MCTP1: variants seen among roughly 807,000 people sequenced by gnomAD.
MCTP1 encodes the protein multiple C2 and transmembrane domain containing 1.
A neutral mutation model predicts 120.6 loss-of-function variants in MCTP1; 69 were observed. The observed-to-expected ratio is 0.57, with a 90% CI of 0.47 to 0.70. The LOEUF (loss-of-function observed/expected upper bound fraction) is 0.70, where lower values mean the gene tolerates loss of function less well. MCTP1 is among the 30% of genes least tolerant of loss of function. The pLI is 0.00. For missense variants in MCTP1, 1,203 were observed against 1,248.8 expected (o/e 0.96, Z 0.55); for synonymous variants, 529 against 493.1 (o/e 1.07, Z -0.96).
At chr5:95,093,514 A>G (rs1182406076) in intron 1 of MCTP1, among the ~76,000 whole-genome samples, 1 of 152,076 alleles carries the variant, frequency 6.6e-6, no homozygotes, top group African/African-American at 2.4e-5. Context: ...TACCCAAATT[A>G]CTGCATTTGA....
intron 19 of MCTP1, among the ~76,000 whole-genome samples, chr5:94,759,975 T>C (rs1770943374): frequency 6.8e-6 from 1 of 148,090 alleles, no homozygotes; most frequent in Admixed American, 6.7e-5. Context: ...GTTGAGGGTT[T>C]TTTTTTTTTT....
intron 1 of MCTP1, among the ~76,000 whole-genome samples, chr5:95,053,988 T>TA (rs779499436): frequency 6.6e-6 from 1 of 152,188 alleles, no homozygotes; most frequent in Non-Finnish European, 1.5e-5. Context: ...GGGCTTTTGG[T>TA]AAAAAAGTAT....
chr5:94,708,870 G>T (rs563873775), intron 21 of MCTP1: 12 of 289,294 alleles, frequency 4.1e-5, no homozygotes, highest in South Asian at 2.5e-4. Flanking sequence ...CAATATCTTG[G>T]TTTTTTTTCC....
At chr5:94,940,390 T>G (rs1817290429) in intron 4 of MCTP1, among the ~76,000 whole-genome samples, 195 bp from the exon 5 acceptor site, 1 of 146,112 alleles carries the variant, frequency 6.8e-6, no homozygotes, top group African/African-American at 2.5e-5. Flanking sequence ...ATACACCAGA[T>G]GAATTTCTGC....
chr5:94,751,866 C>A (rs1206716338), intron 19 of MCTP1, among the ~76,000 whole-genome samples: 4 of 150,808 alleles, frequency 2.7e-5, no homozygotes, highest in Admixed American at 6.6e-5. Flanking sequence ...TTACAAAAAA[C>A]CAAACACCGC....
At chr5:94,884,916 G>A (rs1800929404) in intron 12 of MCTP1, among the ~76,000 whole-genome samples, 1 of 152,180 alleles carries the variant, frequency 6.6e-6, no homozygotes, top group Admixed American at 6.5e-5. Flanking sequence ...TGCAAATAAA[G>A]GGGTAGTAAA....
intron 1 of MCTP1, among the ~76,000 whole-genome samples, chr5:95,216,607 G>A (rs1192502453): frequency 6.6e-6 from 1 of 152,076 alleles, no homozygotes; most frequent in Non-Finnish European, 1.5e-5. Flanking sequence ...AGATGTCAAA[G>A]GTGTCCGATA....
At chr5:95,186,695 A>G (rs925806601) in intron 1 of MCTP1, among the ~76,000 whole-genome samples, 4 of 152,174 alleles carry the variant, frequency 2.6e-5, no homozygotes, top group Non-Finnish European at 4.4e-5. Flanking sequence ...GCTAAAAGAA[A>G]GTTGATAAAG....
At chr5:95,065,295 T>C (rs781443512) in intron 1 of MCTP1, among the ~76,000 whole-genome samples, 1 of 151,890 alleles carries the variant, frequency 6.6e-6, no homozygotes, top group Non-Finnish European at 1.5e-5. Context: ...AAATTTGACA[T>C]GAAGATTGCA....
intron 1 of MCTP1, among the ~76,000 whole-genome samples, chr5:95,101,459 A>T (rs1362846122): frequency 6.6e-6 from 1 of 152,236 alleles, no homozygotes; most frequent in African/African-American, 2.4e-5. Context: ...CCAAAGTAAC[A>T]ATTTTCATGT....
intron 1 of MCTP1, among the ~76,000 whole-genome samples, chr5:95,047,858 T>G (rs550239130): frequency 6.6e-6 from 1 of 152,274 alleles, no homozygotes; most frequent in South Asian, 2.1e-4. Context: ...TATACTGGGC[T>G]AGGGAATAGA....
At chr5:94,984,882 A>G (rs973574574) in intron 2 of MCTP1, among the ~76,000 whole-genome samples, 9 of 152,184 alleles carry the variant, frequency 5.9e-5, no homozygotes, top group Non-Finnish European at 1.2e-4. Flanking sequence ...TCTTTACTCA[A>G]AAAGAGAGCA....
At chr5:95,105,720 G>A (rs1757034910) in intron 1 of MCTP1, among the ~76,000 whole-genome samples, 1 of 152,110 alleles carries the variant, frequency 6.6e-6, no homozygotes, top group African/African-American at 2.4e-5. Context: ...TTCATTAGGA[G>A]TAGCAGGAGG....
chr5:94,868,379 C>T lies in MCTP1; in HGVS notation c.2390G>A (p.Ser797Asn). The T allele has an allele frequency of 1.2e-6, 2 of 1,608,542 alleles. No individual in the cohort carries two copies. The highest frequency in any genetic ancestry group is 1.7e-6 in the Non-Finnish European group (2 of 1,177,314). Residue 797 changes from serine (S) to asparagine (N), a missense_variant, in exon 17 of 23, where the codon AGT becomes AAT. Ser to Asn is a conservative substitution (Grantham distance 46). Transcript: ENST00000515393. ...VLVNAAYYVN[S>N]CFDWDSPPRS... ...TGGGGGTGAATCCCAATCAAAGCAACTATTAACGTAGTATGCAGCATTTAC... is the reference window on the plus strand; with the variant it reads ...TGGGGGTGAATCCCAATCAAAGCAATTATTAACGTAGTATGCAGCATTTAC...
intron 1 of MCTP1, among the ~76,000 whole-genome samples, chr5:95,025,059 A>G (rs1334162626): frequency 6.6e-6 from 1 of 152,210 alleles, no homozygotes; most frequent in East Asian, 1.9e-4. Flanking sequence ...ACAGAAATAG[A>G]ATAAATAATC....
At chr5:94,836,079 C>T (rs1034885705) in intron 17 of MCTP1, among the ~76,000 whole-genome samples, 14 of 142,700 alleles carry the variant, frequency 9.8e-5, no homozygotes, top group African/African-American at 3.4e-4. Context: ...ACTTGGGAGG[C>T]GGAGGCAGAA....
intron 17 of MCTP1, among the ~76,000 whole-genome samples, chr5:94,829,406 C>A (rs1030862559): frequency 6.6e-6 from 1 of 152,192 alleles, no homozygotes; most frequent in Non-Finnish European, 1.5e-5. Flanking sequence ...CACAGCTGTT[C>A]CTATTCGGCC....
chr5:94,924,522 A>G (rs181302911), intron 6 of MCTP1, among the ~76,000 whole-genome samples: 2 of 152,322 alleles, frequency 1.3e-5, no homozygotes, highest in East Asian at 3.9e-4. Flanking sequence ...TAAGTGACTT[A>G]GTTAACTGAA....
At chr5:95,234,978 T>C (rs1325246740) in intron 1 of MCTP1, among the ~76,000 whole-genome samples, 4 of 152,092 alleles carry the variant, frequency 2.6e-5, no homozygotes, top group South Asian at 2.1e-4. Flanking sequence ...ACATCCCAAC[T>C]AATTCTATGA....
Sources: gnomAD v4.1 joint callset for allele counts (sites outside exome capture counted in the v4.1 genomes callset) on GRCh38, gnomAD v4.1.1 for gene constraint, MANE v1.5 for transcripts, NCBI Gene and HGNC (gene_info 2026-07-23, HGNC 2026-07-21) for gene names.